Variants in GSG1L observed in about 807,000 individuals in gnomAD.
The protein encoded by GSG1L is GSG1 like.
In GSG1L, 24 loss-of-function variants were observed where a neutral mutation model predicts 42.1. That is an observed-to-expected ratio of 0.57 (90% CI 0.41 to 0.80). The LOEUF (loss-of-function observed/expected upper bound fraction) is 0.80. Ranked by LOEUF, GSG1L falls within the 30% of genes least tolerant of loss-of-function variation. The probability of loss-of-function intolerance (pLI) is 0.00; values close to 1 mark genes in which losing one functional copy is unlikely to be tolerated. For missense variants in GSG1L, 445 were observed against 472.2 expected (o/e 0.94, Z 0.53); for synonymous variants, 215 against 203.5 (o/e 1.06, Z -0.48).
intron 2 of GSG1L, among the ~76,000 whole-genome samples, chr16:27,931,557 C>G (rs915908374): frequency 6.6e-6 from 1 of 152,222 alleles, no homozygotes; most frequent in African/African-American, 2.4e-5. Context: ...GATAGGCAAA[C>G]AGTAGAAAGC....
chr16:27,820,586 C>G (rs2083141094), intron 5 of GSG1L, among the ~76,000 whole-genome samples: 1 of 152,130 alleles, frequency 6.6e-6, no homozygotes, highest in African/African-American at 2.4e-5. Context: ...CCCTGCTCAG[C>G]CAATCCGGTG....
At chr16:27,992,234 C>T (rs763021954) in intron 1 of GSG1L, among the ~76,000 whole-genome samples, 5 of 152,134 alleles carry the variant, frequency 3.3e-5, no homozygotes, top group Non-Finnish European at 4.4e-5. Context: ...CAGTGGCTCA[C>T]GCCTGTAATC....
At chr16:27,888,507 C>CCG (rs1567505972) in intron 2 of GSG1L, among the ~76,000 whole-genome samples, 9 of 13,440 alleles carry the variant, frequency 6.7e-4, no homozygotes, top group Non-Finnish European at 8.3e-4. Context: ...TTCTTTCTTT[C>CCG]TTTCTTTCTT....
At chr16:27,932,724 A>G (rs1195469142) in intron 2 of GSG1L, among the ~76,000 whole-genome samples, 1 of 152,156 alleles carries the variant, frequency 6.6e-6, no homozygotes, top group Non-Finnish European at 1.5e-5. Flanking sequence ...GGGCCTGAAC[A>G]TGTGACTTGC....
intron 1 of GSG1L, among the ~76,000 whole-genome samples, chr16:27,970,246 T>C (rs2085179747): frequency 6.6e-6 from 1 of 151,702 alleles, no homozygotes; most frequent in Non-Finnish European, 1.5e-5. Context: ...TTGTTGCTTG[T>C]GCTTTTGTTG....
intron 1 of GSG1L, among the ~76,000 whole-genome samples, chr16:28,007,122 T>C (rs530612070): frequency 2.2e-4 from 34 of 152,278 alleles, no homozygotes; most frequent in African/African-American, 7.5e-4. Context: ...CCTCGGAATC[T>C]GTGATATCTT....
chr16:27,935,326 A>AGG lies in GSG1L; in HGVS notation c.397+27829_397+27830insCC, dbSNP rs145631078. 4.6e-5 allele frequency among the ~76,000 whole-genome samples: 7 copies of AGG among 151,910 alleles called. No individual in the cohort carries two copies. In the South Asian group the frequency reaches 6.2e-4, roughly 14 times the overall value. On this transcript the variant is annotated intron_variant, in intron 2 of 6. Transcript: ENST00000447459. ...GAGCTAGTCCCATCCTGATGGGGGA[A>AGG]TGGGGGGCTTCAGAGTCAACAATGA...
chr16:28,038,345 A>C (rs2086064270), intron 1 of GSG1L, among the ~76,000 whole-genome samples: 1 of 152,146 alleles, frequency 6.6e-6, no homozygotes, highest in East Asian at 1.9e-4. Flanking sequence ...ACAGATTAAG[A>C]AACTGAGGCT....
intron 1 of GSG1L, among the ~76,000 whole-genome samples, chr16:27,976,972 T>C (rs2085257771): frequency 6.6e-6 from 1 of 152,188 alleles, no homozygotes; most frequent in Non-Finnish European, 1.5e-5. Context: ...GAGCGTGGCT[T>C]GGCCCCTCTG....
chr16:27,880,780 G>T (rs528733320), intron 3 of GSG1L, among the ~76,000 whole-genome samples: 95 of 152,172 alleles, frequency 6.2e-4, no homozygotes, highest in African/African-American at 2.0e-3. Flanking sequence ...TTTGTGGCTG[G>T]AGTGAGCAGG....
At chr16:28,030,353 G>T (rs761811159) in intron 1 of GSG1L, among the ~76,000 whole-genome samples, 3 of 152,148 alleles carry the variant, frequency 2.0e-5, no homozygotes, top group Non-Finnish European at 4.4e-5. Flanking sequence ...GAGCCCTCTG[G>T]GGACTTTTAC....
rs1223735372 is a variant in GSG1L at position 28,063,073 on chromosome 16, C to A, written c.349+3G>T. On this transcript the variant is annotated splice_donor_region_variant and intron_variant, in intron 1 of 6. Transcript: ENST00000447459. The surrounding 1 kb of genome is among the most constrained non-coding windows in gnomAD (Gnocchi z 5.8). ...GAGCTGGCCGCCGCCCGCGCGCACTCACCAAGCCCGCTGAGCTCCTCCTCG... is the reference window on the plus strand; with the variant it reads ...GAGCTGGCCGCCGCCCGCGCGCACTAACCAAGCCCGCTGAGCTCCTCCTCG... The A allele has an allele frequency of 1.4e-6, 2 of 1,423,774 alleles. No homozygotes were observed. Among genetic ancestry groups the A allele is most frequent in the Non-Finnish European group, 1.8e-6 (2 of 1,083,106 alleles). 88.2% of individuals were successfully genotyped at this position (1,423,774 alleles called of 1,614,324 possible).
intron 1 of GSG1L, among the ~76,000 whole-genome samples, chr16:28,041,288 A>G (rs1471278494): frequency 6.6e-6 from 1 of 151,908 alleles, no homozygotes; most frequent in Non-Finnish European, 1.5e-5. Flanking sequence ...CCTTCTCTAC[A>G]AAAAATACAA....
intron 3 of GSG1L, among the ~76,000 whole-genome samples, chr16:27,869,078 A>G (rs986922295): frequency 1.3e-5 from 2 of 152,170 alleles, no homozygotes. Context: ...AGGAGATGGG[A>G]GCAGGGCTCG....
At chr16:27,936,091 G>A (rs1267429421) in intron 2 of GSG1L, among the ~76,000 whole-genome samples, 1 of 151,570 alleles carries the variant, frequency 6.6e-6, no homozygotes, top group Non-Finnish European at 1.5e-5. Context: ...CTGCCTTTCA[G>A]GGCACTAAGC....
chr16:28,063,564 G>C lies in GSG1L; in HGVS notation c.-140C>G. ...TGAGATCGGCGGCGGCGGACGCGGC[G>C]CGGGCCCATGCCCCCCCCAACCCCG... On this transcript the variant is annotated 5_prime_UTR_variant, in exon 1 of 7. Coordinates refer to ENST00000447459, the MANE Select transcript of GSG1L (RefSeq NM_001109763.2). The surrounding 1 kb of genome is among the most constrained non-coding windows in gnomAD (Gnocchi z 5.8). 2 of 295,540 alleles carry C rather than the reference G, an allele frequency of 6.8e-6. No homozygotes were observed. Among genetic ancestry groups the C allele is most frequent in the Non-Finnish European group, 1.0e-5 (2 of 196,764 alleles). The allele number at this position is 295,540 out of a possible 1,614,324, so 18.3% of individuals were successfully genotyped here. A position where few individuals can be genotyped will look rare whatever the true frequency, so the allele number is the denominator to read the frequency against.
chr16:27,827,288 C>A (rs776960372), intron 5 of GSG1L, among the ~76,000 whole-genome samples: 1 of 152,156 alleles, frequency 6.6e-6, no homozygotes, highest in Non-Finnish European at 1.5e-5. Context: ...CAGGCCAGAT[C>A]GGCCATTCGC....
At chr16:27,952,240 C>T (rs2084958019) in intron 2 of GSG1L, among the ~76,000 whole-genome samples, 2 of 152,216 alleles carry the variant, frequency 1.3e-5, no homozygotes, top group South Asian at 2.1e-4. Flanking sequence ...TGTACAGCCC[C>T]GTCGGGCACA....
chr16:27,887,130 A>AT (rs1354386911), intron 2 of GSG1L, among the ~76,000 whole-genome samples: 1 of 151,440 alleles, frequency 6.6e-6, no homozygotes, highest in Non-Finnish European at 1.5e-5. Flanking sequence ...TTATTTTTAT[A>AT]TTTTTTGTAG....
Sources: gnomAD v4.1 joint callset for allele counts (sites outside exome capture counted in the v4.1 genomes callset) on GRCh38, gnomAD v4.1.1 for gene constraint, Gnocchi (gnomAD v3.1) non-coding constraint, MANE v1.5 for transcripts, NCBI Gene and HGNC (gene_info 2026-07-23, HGNC 2026-07-21) for gene names.